USP43: variants seen among roughly 807,000 people sequenced by gnomAD.
The protein encoded by USP43 is ubiquitin carboxyl-terminal hydrolase 43.
USP43 carries 33 observed loss-of-function variants against 90.7 expected under a neutral mutation model. The ratio of observed to expected loss-of-function variants is 0.36; its 90% CI spans 0.28 to 0.49. The LOEUF is 0.49. Ranked by LOEUF, USP43 falls within the 20% of genes least tolerant of loss-of-function variation. USP43 has a pLI of 0.98. For synonymous variants in USP43, 598 were observed against 615.8 expected, an observed-to-expected ratio of 0.97 and a Z score of 0.43; for missense variants, 1,274 against 1,476.4, an observed-to-expected ratio of 0.86 and a Z score of 2.25.
intron 1 of USP43, among the ~76,000 whole-genome samples, chr17:9,655,183 T>G (rs922969089): frequency 6.6e-6 from 1 of 151,358 alleles, no homozygotes; most frequent in Non-Finnish European, 1.5e-5. Flanking sequence ...ACCAGTCCCT[T>G]TGGCAGGCAT....
At chr17:9,647,627 TA>T (rs1206670332) in intron 1 of USP43, 2 of 151,748 alleles carry the variant, frequency 1.3e-5, no homozygotes, top group Non-Finnish European at 2.9e-5. Flanking sequence ...GGGAGGGAGG[TA>T]ATCTTTATGT....
At chr17:9,705,625 T>G (rs1178626341) in intron 12 of USP43, among the ~76,000 whole-genome samples, 1 of 151,388 alleles carries the variant, frequency 6.6e-6, no homozygotes, top group Admixed American at 6.6e-5. Flanking sequence ...CGTGGTGGCG[T>G]GTGCCTGTAG....
chr17:9,648,997 C>A (rs1911666662), intron 1 of USP43, among the ~76,000 whole-genome samples: 1 of 151,114 alleles, frequency 6.6e-6, no homozygotes. Context: ...TCCTTTCCCT[C>A]TCTCTCTCTT....
At position 9,651,285 on chromosome 17, in the gene USP43, G is replaced by A. The variant is rs140354408; in HGVS notation, c.505-5118G>A. Reference sequence around the variant, plus strand: ...TGGCTCACTGCAACCTCTGCCTCCCGAGTTCAAGCAATTCTCCTGTCTCAG... The same window carrying A: ...TGGCTCACTGCAACCTCTGCCTCCCAAGTTCAAGCAATTCTCCTGTCTCAG... On this transcript the variant is annotated intron_variant, in intron 1 of 14. Coordinates refer to ENST00000285199, the MANE Select transcript of USP43 (RefSeq NM_153210.5). 9.8e-3 allele frequency among the ~76,000 whole-genome samples: 1,493 copies of A among 151,902 alleles called. 19 individuals are homozygous for A. Among genetic ancestry groups the A allele is most frequent in the African/African-American group, 0.034 (1,410 of 41,426 alleles).
At chr17:9,724,407 T>C (rs1917141615) in intron 14 of USP43, among the ~76,000 whole-genome samples, 1 of 152,086 alleles carries the variant, frequency 6.6e-6, no homozygotes, top group Non-Finnish European at 1.5e-5. Context: ...GGGCCCAGCA[T>C]GGTGGCTCAC....
At chr17:9,649,116 G>A (rs1379212723) in intron 1 of USP43, among the ~76,000 whole-genome samples, 1 of 151,950 alleles carries the variant, frequency 6.6e-6, no homozygotes, top group Non-Finnish European at 1.5e-5. Context: ...TCAGCCTTCT[G>A]ACCAATATGG....
chr17:9,661,606 C>A (rs1408642927), intron 2 of USP43, among the ~76,000 whole-genome samples: 1 of 152,146 alleles, frequency 6.6e-6, no homozygotes, highest in African/African-American at 2.4e-5. Flanking sequence ...AATCCTCCCA[C>A]CTTGGCCTCC....
Position 9,728,585 on chromosome 17 carries a change from C to T in USP43, c.2967C>T (p.Asp989=), listed in dbSNP as rs769206216. The T allele has an allele frequency of 6.2e-7, 1 of 1,613,944 alleles. No individual in the cohort carries two copies. Among genetic ancestry groups the T allele is most frequent in the African/African-American group, 1.3e-5 (1 of 75,064 alleles). The change falls in exon 15 of 15, where the codon GAC becomes GAT. Residue 989 remains aspartate (D), a synonymous_variant. Coordinates refer to ENST00000285199, the MANE Select transcript of USP43 (RefSeq NM_153210.5). This position sits in a 1 kb window ranked among gnomAD's most constrained non-coding sequence, Gnocchi z 6.2. The stretch of plus-strand genomic sequence containing the variant: ...GTCGCCGAGGCACCTCTGAGCTAGA[C>T]AGACCCCTGCAGGGGACACTCACCC... The part of the protein sequence containing the change: ...KDSRRGTSEL[D]RPLQGTLTLL...
At position 9,729,362 on chromosome 17, in the gene USP43, G is replaced by A. The variant is rs62064141; in HGVS notation, c.*372G>A. 3,604 of 158,310 alleles carry A rather than the reference G, an allele frequency of 0.023. 61 individuals carry two copies. The highest frequency in any genetic ancestry group is 0.036 in the Non-Finnish European group (2,639 of 72,906). 9.8% of individuals were successfully genotyped at this position (158,310 alleles called of 1,614,324 possible). A position where few individuals can be genotyped will look rare whatever the true frequency, so the allele number is the denominator to read the frequency against. On this transcript the variant is annotated 3_prime_UTR_variant, in exon 15 of 15. Transcript: ENST00000285199. Reference sequence around the variant, plus strand: ...AATGTCATGTCAAATACTGTCAATGGCTTTTCCTTTTTCTTTCTTTTTTTT... The same window carrying A: ...AATGTCATGTCAAATACTGTCAATGACTTTTCCTTTTTCTTTCTTTTTTTT...
intron 14 of USP43, among the ~76,000 whole-genome samples, chr17:9,715,652 T>A (rs1049760633): frequency 4.7e-5 from 7 of 149,794 alleles, no homozygotes; most frequent in African/African-American, 1.5e-4. Context: ...TGTGTGTGTC[T>A]CTATGTGTAT....
At chr17:9,690,995 T>G (rs1273611455) in intron 8 of USP43, among the ~76,000 whole-genome samples, 1 of 152,234 alleles carries the variant, frequency 6.6e-6, no homozygotes, top group Non-Finnish European at 1.5e-5. Context: ...CTGTTTTAGG[T>G]ACCTTATATA....
At position 9,715,626 on chromosome 17, in the gene USP43, G is replaced by A. The variant is rs572470938; in HGVS notation, c.2335+3494G>A. On this transcript the variant is annotated intron_variant, in intron 14 of 14. Transcript: ENST00000285199. ...TGTGTGTCTCTGTGAGTGTATGTCTGTGTGTGTGTTTCTTGTGTGTGTGTC... is the reference window on the plus strand; with the variant it reads ...TGTGTGTCTCTGTGAGTGTATGTCTATGTGTGTGTTTCTTGTGTGTGTGTC... 3.6e-5 allele frequency among the ~76,000 whole-genome samples: 5 copies of A among 140,614 alleles called. No homozygotes were observed. In the South Asian group the frequency reaches 1.1e-3, roughly 31 times the overall value. 92.2% of individuals were successfully genotyped at this position (140,614 alleles called of 152,430 possible). A position where few individuals can be genotyped will look rare whatever the true frequency, so the allele number is the denominator to read the frequency against.
At chr17:9,655,234 G>A (rs752854467) in intron 1 of USP43, among the ~76,000 whole-genome samples, 5 of 152,174 alleles carry the variant, frequency 3.3e-5, no homozygotes, top group Non-Finnish European at 7.3e-5. Context: ...CTGGAGACTT[G>A]GCTCTGCAGT....
chr17:9,719,218 C>T (rs1916787761), intron 14 of USP43, among the ~76,000 whole-genome samples: 1 of 152,340 alleles, frequency 6.6e-6, no homozygotes, highest in East Asian at 1.9e-4. Flanking sequence ...AAAAGTTCAT[C>T]CCAGCTCTGT....
intron 13 of USP43, 76 bp downstream of exon 13, chr17:9,710,190 A>G: frequency 7.4e-7 from 1 of 1,344,188 alleles, no homozygotes; most frequent in Non-Finnish European, 9.6e-7. Context: ...TCAGTTGAAC[A>G]TCGAGGACCA....
chr17:9,687,144 A>C (rs1441181800), intron 8 of USP43, among the ~76,000 whole-genome samples: 1 of 152,226 alleles, frequency 6.6e-6, no homozygotes, highest in Admixed American at 6.5e-5. Flanking sequence ...TTTCATGGGC[A>C]GAGCTTTTTC....
chr17:9,693,165 C>G lies in USP43; in HGVS notation c.1392C>G (p.Leu464=). 1 of 1,613,750 alleles carries G rather than the reference C, an allele frequency of 6.2e-7. No homozygotes were observed. Among genetic ancestry groups the G allele is most frequent in the Non-Finnish European group, 8.5e-7 (1 of 1,179,860 alleles). ...TGTTCTCCATCCGTGTTGTGGGACTCTCTGTGGCCTGCAGCTATTTGTCTC... is the reference window on the plus strand; with the variant it reads ...TGTTCTCCATCCGTGTTGTGGGACTGTCTGTGGCCTGCAGCTATTTGTCTC... The part of the protein sequence containing the change: ...GSLFSIRVVG[L]SVACSYLSPK... Residue 464 remains leucine, a synonymous_variant, in exon 9 of 15, where the codon CTC becomes CTG. Coordinates refer to ENST00000285199, the MANE Select transcript of USP43 (RefSeq NM_153210.5).
intron 12 of USP43, among the ~76,000 whole-genome samples, chr17:9,708,171 A>G (rs1158641990): frequency 6.6e-6 from 1 of 152,236 alleles, no homozygotes; most frequent in Non-Finnish European, 1.5e-5. Flanking sequence ...GATGAAGTGT[A>G]GCCATTCAGG....
At chr17:9,706,769 G>A (rs1915907221) in intron 12 of USP43, among the ~76,000 whole-genome samples, 1 of 148,462 alleles carries the variant, frequency 6.7e-6, no homozygotes, top group African/African-American at 2.5e-5. Context: ...TCAGCCTCCT[G>A]AGTAGCTGGG....
Sources: gnomAD v4.1 joint callset for allele counts (sites outside exome capture counted in the v4.1 genomes callset) on GRCh38, gnomAD v4.1.1 for gene constraint, Gnocchi (gnomAD v3.1) non-coding constraint, MANE v1.5 for transcripts, NCBI Gene and HGNC (gene_info 2026-07-23, HGNC 2026-07-21) for gene names.